TENM2: variants seen among roughly 807,000 people sequenced by gnomAD.
TENM2 encodes teneurin transmembrane protein 2, also known as teneurin-2.
A neutral mutation model predicts 245.2 loss-of-function variants in TENM2; 52 were observed. That is an observed-to-expected ratio of 0.21 (90% CI 0.17 to 0.27). TENM2 has a LOEUF of 0.27. Among genes scored for constraint, TENM2 ranks in the 10% least tolerant of loss-of-function variants. The pLI, the probability that TENM2 is intolerant of heterozygous loss-of-function variation, is 1.00. For synonymous variants in TENM2, 1,363 were observed against 1,438.9 expected (o/e 0.95, Z 1.19); for missense variants, 3,046 against 3,666.8 (o/e 0.83, Z 4.37).
the TENM2 span, among the ~76,000 whole-genome samples, chr5:167,038,605 G>A: frequency 6.6e-6 from 1 of 152,146 alleles, no homozygotes; most frequent in South Asian, 2.1e-4. Flanking sequence ...GATTAGAAAA[G>A]TTAGAGTTAG....
chr5:167,663,093 C>G (rs1755320661), intron 2 of TENM2, among the ~76,000 whole-genome samples: 1 of 147,160 alleles, frequency 6.8e-6, no homozygotes, highest in African/African-American at 2.5e-5. Context: ...AAACTAAGTA[C>G]CAGTATACAC....
chr5:167,689,908 G>A (rs367794444), intron 2 of TENM2, among the ~76,000 whole-genome samples: 3 of 152,022 alleles, frequency 2.0e-5, no homozygotes, highest in Admixed American at 6.5e-5. Flanking sequence ...TTACAGGCGT[G>A]AGCCACCATG....
At chr5:167,199,729 T>G in the TENM2 span, among the ~76,000 whole-genome samples, 3,405 of 152,200 alleles carry the variant, frequency 0.022, 50 homozygotes, top group South Asian at 0.047. Context: ...CATATCGTTT[T>G]GACATGTTCC....
intron 4 of TENM2, among the ~76,000 whole-genome samples, chr5:167,977,860 A>C (rs1782553840): frequency 6.6e-6 from 1 of 152,192 alleles, no homozygotes; most frequent in African/African-American, 2.4e-5. Flanking sequence ...TCCATGTCCC[A>C]TGTTGGAATG....
intron 1 of TENM2, among the ~76,000 whole-genome samples, chr5:167,362,720 T>TAC (rs1759791043): frequency 6.6e-6 from 1 of 152,236 alleles, no homozygotes; most frequent in South Asian, 2.1e-4. Context: ...GATATTGCAT[T>TAC]ACTTAATGGA....
intron 2 of TENM2, among the ~76,000 whole-genome samples, chr5:167,629,933 G>A (rs571415298): frequency 5.0e-4 from 76 of 152,116 alleles, no homozygotes; most frequent in African/African-American, 1.8e-3. Flanking sequence ...GAAAGAGGAA[G>A]AGGGGAAATG....
chr5:167,645,590 T>C (rs80116038), intron 2 of TENM2, among the ~76,000 whole-genome samples: 3 of 123,442 alleles, frequency 2.4e-5, no homozygotes, highest in Admixed American at 7.6e-5. Flanking sequence ...TAGTTTTTCC[T>C]TTTTTTTTTT....
intron 1 of TENM2, among the ~76,000 whole-genome samples, chr5:167,338,089 ATTG>A (rs1045765225): frequency 3.2e-4 from 48 of 152,314 alleles, no homozygotes; most frequent in African/African-American, 1.2e-3. Context: ...AAATGTCTAT[ATTG>A]TTACAAAAGG....
At chr5:167,149,196 G>A in the TENM2 span, among the ~76,000 whole-genome samples, 12 of 150,758 alleles carry the variant, frequency 8.0e-5, no homozygotes, top group African/African-American at 2.7e-4. Flanking sequence ...TTTCATTTAA[G>A]GCTGTTGAAT....
chr5:168,247,258 A>G lies in TENM2; in HGVS notation c.6319A>G (p.Ile2107Val), dbSNP rs755472929. Residue 2107 changes from isoleucine to valine, a missense_variant, in exon 27 of 29, where the codon ATA (isoleucine) becomes GTA (valine). Around this residue, in one of 2 missense-constraint regions of TENM2, gnomAD observed 2,704 missense variants for 3,331.9 expected, o/e 0.81. Transcript: ENST00000518659. The surrounding 1 kb of genome is among the most constrained non-coding windows in gnomAD (Gnocchi z 7.8). ...CCGCATCGCAAGCATCAAGCCCGTCATAAGTGAGACTCCCCTCCCCGTTGA... is the reference window on the plus strand; with the variant it reads ...CCGCATCGCAAGCATCAAGCCCGTCGTAAGTGAGACTCCCCTCCCCGTTGA... 12 of 1,613,998 alleles carry G rather than the reference A, an allele frequency of 7.4e-6. No homozygotes were observed. The Admixed American group carries it at 1.8e-4, about 25-fold the overall frequency.
chr5:167,846,398 A>C (rs1230780845), intron 2 of TENM2, among the ~76,000 whole-genome samples: 1 of 152,252 alleles, frequency 6.6e-6, no homozygotes, highest in Non-Finnish European at 1.5e-5. Flanking sequence ...ACTGTGCCTG[A>C]ATGGCAAGTC....
In TENM2 at chr5:167,513,460, T is replaced by A. The variant is rs142972837; in HGVS notation, c.502+137987T>A. On this transcript the variant is annotated intron_variant, in intron 2 of 28. Coordinates refer to ENST00000518659, the Ensembl canonical transcript of TENM2. ...AGTGCCCGGTTTTATAATGGGCATA[T>A]AAATGCCTTATGAGCCTGTTTGGTA... Among the ~76,000 whole-genome samples, 1,285 of 152,322 alleles carry A rather than the reference T, an allele frequency of 8.4e-3. 7 individuals are homozygous for A. The highest frequency in any genetic ancestry group is 0.014 in the Non-Finnish European group (944 of 68,034).
intron 2 of TENM2, among the ~76,000 whole-genome samples, chr5:167,817,049 G>A (rs13436887): frequency 0.014 from 2,155 of 152,264 alleles, 51 homozygotes; most frequent in African/African-American, 0.049. Context: ...AGAAGGACTC[G>A]TAATTCATGT....
chr5:167,571,200 C>T (rs918815726), intron 2 of TENM2, among the ~76,000 whole-genome samples: 4 of 152,138 alleles, frequency 2.6e-5, no homozygotes, highest in African/African-American at 4.8e-5. Flanking sequence ...GGACCTACCA[C>T]GGCACAGACA....
chr5:168,260,247 G>A (rs1281504566), intron 27 of TENM2, 36 bp from the exon 30 acceptor site: 6 of 1,612,240 alleles, frequency 3.7e-6, no homozygotes, highest in Non-Finnish European at 5.1e-6. Flanking sequence ...CATCCATCAT[G>A]ATTTCAGAAA....
chr5:168,118,141 G>A, intron 9 of TENM2, 151 bp from the exon 12 acceptor site: 2 of 503,246 alleles, frequency 4.0e-6, no homozygotes, highest in South Asian at 6.3e-5. Flanking sequence ...TTGTTTATCT[G>A]GCAATGGTTC....
intron 2 of TENM2, among the ~76,000 whole-genome samples, chr5:167,587,825 T>C (rs766341275): frequency 2.0e-5 from 3 of 152,246 alleles, no homozygotes; most frequent in Admixed American, 2.0e-4. Flanking sequence ...CAGTGAAAGG[T>C]GTAACTATTT....
Position 167,861,895 on chromosome 5 carries a change from A to G in TENM2, c.503-14091A>G, listed in dbSNP as rs919665355. ...AAACAATTTCTCTGTTGGATTAAAA[A>G]GAGAGAGCAAGGGAGAGTGCTGAAT... On this transcript the variant is annotated intron_variant, in intron 2 of 28. Coordinates refer to ENST00000518659, the Ensembl canonical transcript of TENM2. Among the ~76,000 whole-genome samples the G allele has an allele frequency of 7.9e-5, 12 of 152,368 alleles. 1 individual carries two copies. The East Asian group carries it at 2.3e-3, about 29-fold the overall frequency.
chr5:167,272,354 C>G, the TENM2 span, among the ~76,000 whole-genome samples: 28 of 152,230 alleles, frequency 1.8e-4, no homozygotes, highest in African/African-American at 4.3e-4. Context: ...GTGCATTATC[C>G]ATTACATTTT....
Sources: gnomAD v4.1 joint callset for allele counts (sites outside exome capture counted in the v4.1 genomes callset) on GRCh38, gnomAD v4.1.1 for gene constraint, gnomAD v4.1.1 regional missense constraint, Gnocchi (gnomAD v3.1) non-coding constraint, MANE v1.5 for transcripts, NCBI Gene and HGNC (gene_info 2026-07-23, HGNC 2026-07-21) for gene names.